The following CEP170 variants were observed in gnomAD, a reference collection of about 807,000 sequenced individuals.
CEP170 encodes the protein centrosomal protein 170.
A neutral mutation model predicts 151.9 loss-of-function variants in CEP170; 21 were observed. That is an observed-to-expected ratio of 0.14 (90% CI 0.10 to 0.20). The LOEUF (loss-of-function observed/expected upper bound fraction) is 0.20, where lower values mean the gene tolerates loss of function less well. Among genes scored for constraint, CEP170 ranks in the 10% least tolerant of loss-of-function variants. CEP170 has a pLI of 1.00. For missense variants in CEP170, 964 were observed against 1,892.9 expected, an observed-to-expected ratio of 0.51 and a Z score of 9.11; for synonymous variants, 356 against 648.8, an observed-to-expected ratio of 0.55 and a Z score of 6.86.
At position 243,201,537 on chromosome 1, in the gene CEP170, T is replaced by C. The variant is rs2148839711; in HGVS notation, c.275-702A>G. Among the ~76,000 whole-genome samples the C allele has an allele frequency of 1.3e-5, 2 of 152,264 alleles. 1 individual carries two copies. Among genetic ancestry groups the C allele is most frequent in the South Asian group, 4.1e-4 (2 of 4,830 alleles). ...AGAGGTCACATTTCCCACCATTACT[T>C]AACTCTGTAATGAGAGGACTTTTAT... On this transcript the variant is annotated intron_variant, in intron 4 of 19. Transcript: ENST00000366542.
chr1:243,214,782 T>G (rs539356825), intron 3 of CEP170, among the ~76,000 whole-genome samples: 5 of 152,336 alleles, frequency 3.3e-5, no homozygotes, highest in African/African-American at 1.2e-4. Flanking sequence ...TTGGGTAGTA[T>G]ATACCTTTAA....
At chr1:243,147,598 GTGAATATAAACAAGCAA>G (rs955171034) in intron 14 of CEP170, among the ~76,000 whole-genome samples, 4 of 152,298 alleles carry the variant, frequency 2.6e-5, no homozygotes, top group African/African-American at 9.6e-5. Context: ...ATATGCAGGT[GTGAATATAAACAAGCAA>G]TACTGACTTC....
intron 3 of CEP170, among the ~76,000 whole-genome samples, chr1:243,216,819 G>C (rs747033919): frequency 7.9e-5 from 12 of 152,184 alleles, no homozygotes; most frequent in Admixed American, 7.2e-4. Flanking sequence ...AAATTCAAAG[G>C]CTTCAGAGAC....
intron 1 of CEP170, among the ~76,000 whole-genome samples, chr1:243,237,481 G>A (rs902298126): frequency 4.6e-5 from 7 of 152,080 alleles, no homozygotes; most frequent in South Asian, 2.1e-4. Context: ...GATCGCTTTC[G>A]TTAAATACCT....
intron 1 of CEP170, among the ~76,000 whole-genome samples, chr1:243,238,065 T>A (rs921729659): frequency 3.9e-5 from 6 of 152,220 alleles, no homozygotes; most frequent in Non-Finnish European, 8.8e-5. Flanking sequence ...TGATTAGGTT[T>A]ATCTTTACCA....
At chr1:243,233,710 G>A (rs2063978146) in intron 1 of CEP170, among the ~76,000 whole-genome samples, 1 of 131,424 alleles carries the variant, frequency 7.6e-6, no homozygotes, top group Admixed American at 8.6e-5. Flanking sequence ...TCCAGACTGG[G>A]CAACAGAGCA....
At chr1:243,194,246 A>G (rs1182255367) in intron 7 of CEP170, among the ~76,000 whole-genome samples, 1 of 152,042 alleles carries the variant, frequency 6.6e-6, no homozygotes, top group Non-Finnish European at 1.5e-5. Context: ...AGTACCATTC[A>G]GTATATAGGG....
At chr1:243,249,452 A>C (rs1224558194) in intron 1 of CEP170, among the ~76,000 whole-genome samples, 1 of 148,880 alleles carries the variant, frequency 6.7e-6, no homozygotes, top group Non-Finnish European at 1.5e-5. Context: ...TAAATAAATA[A>C]ATAAAGTTCA....
intron 4 of CEP170, among the ~76,000 whole-genome samples, chr1:243,207,213 ATAAG>A (rs1355789110): frequency 1.3e-5 from 2 of 152,238 alleles, no homozygotes; most frequent in Non-Finnish European, 2.9e-5. Context: ...AATTAAAAAT[ATAAG>A]TAGACAACAG....
chr1:243,220,700 T>C (rs1049348050), intron 3 of CEP170, among the ~76,000 whole-genome samples: 1 of 152,342 alleles, frequency 6.6e-6, no homozygotes, highest in Non-Finnish European at 1.5e-5. Flanking sequence ...GCAGCACAGA[T>C]AGGAACAACA....
chr1:243,224,394 C>A (rs1400796816), intron 2 of CEP170, among the ~76,000 whole-genome samples: 1 of 151,458 alleles, frequency 6.6e-6, no homozygotes. Flanking sequence ...CCGGGCCACA[C>A]TGGAAGAAGA....
chr1:243,146,914 T>C (rs2056568381), intron 14 of CEP170, among the ~76,000 whole-genome samples: 1 of 143,278 alleles, frequency 7.0e-6, no homozygotes, highest in Non-Finnish European at 1.5e-5. Flanking sequence ...TGAAGACCAA[T>C]TGTGAATCCC....
intron 1 of CEP170, among the ~76,000 whole-genome samples, chr1:243,232,738 G>A (rs2063867114): frequency 1.3e-5 from 2 of 152,192 alleles, no homozygotes; most frequent in South Asian, 4.1e-4. Flanking sequence ...GGGAATGGTA[G>A]TAGATGCCAT....
chr1:243,197,513 T>C (rs1338643891), intron 7 of CEP170, among the ~76,000 whole-genome samples: 1 of 152,084 alleles, frequency 6.6e-6, no homozygotes, highest in Non-Finnish European at 1.5e-5. Context: ...TGAGAGATGT[T>C]AAGAACTTTT....
intron 1 of CEP170, among the ~76,000 whole-genome samples, chr1:243,227,287 C>T (rs909698587): frequency 1.3e-5 from 2 of 151,958 alleles, no homozygotes; most frequent in African/African-American, 4.8e-5. Flanking sequence ...AATCCTGTCA[C>T]TTAAATTCCT....
intron 10 of CEP170, among the ~76,000 whole-genome samples, chr1:243,175,495 T>G (rs1224022377): frequency 6.6e-6 from 1 of 152,192 alleles, no homozygotes; most frequent in Non-Finnish European, 1.5e-5. Context: ...TAGAAACACA[T>G]CCACCTGTGA....
At chr1:243,170,451 G>T (rs1392654553) in intron 11 of CEP170, among the ~76,000 whole-genome samples, 1 of 152,136 alleles carries the variant, frequency 6.6e-6, no homozygotes, top group Non-Finnish European at 1.5e-5. Flanking sequence ...AAGAAGTGAA[G>T]ACTTCAAATA....
In CEP170 at chr1:243,211,680, A is replaced by G. The variant is rs2061820985; in HGVS notation, c.274+206T>C. 2.7e-5 allele frequency: 14 copies of G among 528,266 alleles called. No individual in the cohort carries two copies. The South Asian group carries it at 3.2e-4, about 12-fold the overall frequency. The allele number at this position is 528,266 out of a possible 1,614,324, so 32.7% of individuals were successfully genotyped here. A position where few individuals can be genotyped will look rare whatever the true frequency, so the allele number is the denominator to read the frequency against. ...AATAGAGAGAGAGAGGGAAAAAAAAAGCTGAGTCCACCAACTTTTCCATGA... is the reference window on the plus strand; with the variant it reads ...AATAGAGAGAGAGAGGGAAAAAAAAGGCTGAGTCCACCAACTTTTCCATGA... On this transcript the variant is annotated intron_variant, in intron 4 of 19. Transcript: ENST00000366542.
chr1:243,187,858 T>C (rs1230360592), intron 8 of CEP170, among the ~76,000 whole-genome samples: 2 of 152,124 alleles, frequency 1.3e-5, no homozygotes, highest in African/African-American at 4.8e-5. Context: ...GGAAAAGTAA[T>C]AGGCAAGGGA....
Sources: allele counts gnomAD v4.1 joint callset (sites outside exome capture counted in the v4.1 genomes callset), GRCh38; gene constraint gnomAD v4.1.1; transcripts MANE v1.5; gene names NCBI Gene and HGNC (gene_info 2026-07-23, HGNC 2026-07-21).